The following PIGN variants were observed in gnomAD, a reference collection of about 807,000 sequenced individuals.
PIGN encodes the protein phosphatidylinositol glycan anchor biosynthesis class N.
A neutral mutation model predicts 125.4 loss-of-function variants in PIGN; 117 were observed. That is an observed-to-expected ratio of 0.93 (90% CI 0.80 to 1.09). PIGN has a LOEUF of 1.09. PIGN is among the 50% of genes least tolerant of loss of function. The probability of loss-of-function intolerance (pLI) is 0.00; values close to 1 mark genes in which losing one functional copy is unlikely to be tolerated. For missense variants in PIGN, 1,075 were observed against 1,094.9 expected, an observed-to-expected ratio of 0.98 and a Z score of 0.26; for synonymous variants, 392 against 377.8, an observed-to-expected ratio of 1.04 and a Z score of -0.44.
intron 1 of PIGN, among the ~76,000 whole-genome samples, chr18:62,182,963 A>G (rs1296588024): frequency 6.6e-6 from 1 of 152,218 alleles, no homozygotes; most frequent in Non-Finnish European, 1.5e-5. Context: ...GGGCAATTGT[A>G]GAGATACTGA....
intron 10 of PIGN, among the ~76,000 whole-genome samples, chr18:62,144,733 T>C (rs954455031): frequency 3.8e-4 from 58 of 152,340 alleles, no homozygotes; most frequent in African/African-American, 1.4e-3. Flanking sequence ...ATGGTATATA[T>C]ATGCAGGTAA....
In PIGN at chr18:62,041,319, A is replaced by G. The variant is rs1290405770; in HGVS notation, c.*4537T>C. 1 of 152,224 alleles carries G rather than the reference A, an allele frequency of 6.6e-6. No individual in the cohort carries two copies. Among genetic ancestry groups the G allele is most frequent in the Non-Finnish European group, 1.5e-5 (1 of 68,036 alleles). The allele number at this position is 152,224 out of a possible 1,614,324, so 9.4% of individuals were successfully genotyped here. A position where few individuals can be genotyped will look rare whatever the true frequency, so the allele number is the denominator to read the frequency against. ...TTCCCACATGAAAGACTAAATGATG[A>G]CAGGTGTAATATATACAGAGGCAGG... On this transcript the variant is annotated 3_prime_UTR_variant, in exon 31 of 31. Transcript: ENST00000640252.
intron 30 of PIGN, among the ~76,000 whole-genome samples, chr18:62,049,911 T>C (rs1238678314): frequency 6.7e-6 from 1 of 148,962 alleles, no homozygotes; most frequent in East Asian, 2.0e-4. Context: ...TTCAGCTTTC[T>C]ACATATGGCT....
chr18:62,113,902 G>A (rs1056864577), intron 15 of PIGN, among the ~76,000 whole-genome samples: 11 of 152,154 alleles, frequency 7.2e-5, no homozygotes, highest in Non-Finnish European at 1.6e-4. Flanking sequence ...GAGTTTGGAA[G>A]AGTCAAAATT....
At chr18:62,181,640 G>A (rs1170955379) in intron 1 of PIGN, among the ~76,000 whole-genome samples, 2 of 152,064 alleles carry the variant, frequency 1.3e-5, no homozygotes, top group East Asian at 1.9e-4. Context: ...TTGAACTCCT[G>A]GGCTCAAGTC....
In PIGN at chr18:62,045,691, C is replaced by A; in HGVS notation, c.*165G>T. On this transcript the variant is annotated 3_prime_UTR_variant, in exon 31 of 31. Transcript: ENST00000640252. ...TGCAAAACCTAGAAAAAAAAAGAAG[C>A]TCCTTTGTTCCAGATAACCTGTCAA... The A allele has an allele frequency of 1.8e-6, 1 of 546,584 alleles. No individual in the cohort carries two copies. The highest frequency in any genetic ancestry group is 3.0e-6 in the Non-Finnish European group (1 of 331,318). 33.9% of individuals were successfully genotyped at this position (546,584 alleles called of 1,614,324 possible).
rs1433829994 is a variant in PIGN at position 62,052,150 on chromosome 18, G to A, written c.2673-6171C>T. 7 of 151,974 alleles carry A rather than the reference G, an allele frequency of 4.6e-5. 1 individual carries two copies. The highest frequency in any genetic ancestry group is 3.9e-4 in the Admixed American group (6 of 15,276). 9.4% of individuals were successfully genotyped at this position (151,974 alleles called of 1,614,324 possible). ...TGTGGTCAATTTTGGAATAGGTGTGGTGTGGTGCTGAAAAAAATGTATATT... is the reference window on the plus strand; with the variant it reads ...TGTGGTCAATTTTGGAATAGGTGTGATGTGGTGCTGAAAAAAATGTATATT... On this transcript the variant is annotated intron_variant, in intron 30 of 30. Transcript: ENST00000640252.
At chr18:62,070,095 G>A (rs1456736537) in intron 30 of PIGN, 1 of 230,074 alleles carries the variant, frequency 4.3e-6, no homozygotes, top group Non-Finnish European at 8.4e-6. Context: ...CAGGCACTAT[G>A]CTAAATACTT....
At chr18:62,098,758 C>T (rs1485205711) in intron 22 of PIGN, among the ~76,000 whole-genome samples, 2 of 152,108 alleles carry the variant, frequency 1.3e-5, no homozygotes, top group Admixed American at 1.3e-4. Context: ...TCCTCTAGAA[C>T]CTAGCTCTAC....
chr18:62,166,939 T>C (rs1482025585), intron 1 of PIGN, among the ~76,000 whole-genome samples: 1 of 152,112 alleles, frequency 6.6e-6, no homozygotes, highest in Admixed American at 6.5e-5. Flanking sequence ...TTAGGGCAAA[T>C]ACCTAATGCA....
intron 2 of PIGN, among the ~76,000 whole-genome samples, chr18:62,162,716 A>G (rs549730074): frequency 6.6e-6 from 1 of 152,262 alleles, no homozygotes; most frequent in South Asian, 2.1e-4. Context: ...GCTAACTGAC[A>G]AAGAGAATCT....
intron 1 of PIGN, among the ~76,000 whole-genome samples, chr18:62,177,826 C>A (rs1396987269): frequency 1.3e-5 from 2 of 152,134 alleles, no homozygotes. Flanking sequence ...TCCTTAAATG[C>A]CTAAAACAAA....
intron 30 of PIGN, among the ~76,000 whole-genome samples, chr18:62,068,319 G>T (rs1038544771): frequency 1.3e-5 from 2 of 152,042 alleles, no homozygotes; most frequent in Non-Finnish European, 2.9e-5. Context: ...TGAGGTCCCT[G>T]GACCTCCTTT....
chr18:62,171,869 G>A (rs1346900685), intron 1 of PIGN, among the ~76,000 whole-genome samples: 1 of 152,176 alleles, frequency 6.6e-6, no homozygotes, highest in South Asian at 2.1e-4. Context: ...GTTGGTCTTA[G>A]TTAAAATTTT....
intron 7 of PIGN, among the ~76,000 whole-genome samples, chr18:62,150,697 TTTTG>T (rs1555695351): frequency 2.0e-5 from 3 of 151,392 alleles, no homozygotes; most frequent in Non-Finnish European, 3.0e-5. Context: ...GAGTTATTTT[TTTTG>T]TTTGTTTGTT....
rs78095943 is a variant in PIGN, at chr18:62,128,479, T to C, written c.1172+9764A>G. Among the ~76,000 whole-genome samples, 886 of 152,224 alleles carry C rather than the reference T, an allele frequency of 5.8e-3. 6 individuals carry two copies. Among genetic ancestry groups the C allele is most frequent in the African/African-American group, 0.02 (828 of 41,520 alleles). On this transcript the variant is annotated intron_variant, in intron 14 of 30. Transcript: ENST00000640252. ...TATTTTACATTTAAACAAGGAACTT[T>C]AGAACAGATGGGGTCCATAAGAGAT...
chr18:62,166,058 A>G (rs2147720965), intron 1 of PIGN, among the ~76,000 whole-genome samples: 1 of 152,334 alleles, frequency 6.6e-6, no homozygotes, highest in African/African-American at 2.4e-5. Context: ...GGAATAATTT[A>G]GAATATAGAA....
At position 62,106,860 on chromosome 18, in the gene PIGN, A is replaced by G. The variant is rs781624190; in HGVS notation, c.1696T>C (p.Tyr566His). The change falls in exon 19 of 31, where the codon TAT becomes CAT. Residue 566 changes from tyrosine to histidine, a missense_variant. By Grantham distance (83) the Tyr-to-His change is moderately conservative. Around this residue, in one of 3 missense-constraint regions of PIGN, gnomAD observed 915 missense variants for 908.7 expected, o/e 1.01. Coordinates refer to ENST00000640252, the MANE Select transcript of PIGN (RefSeq NM_176787.5). ...GCAGTAAGTCCAGCGGTAAGCATAT[A>G]GCGGTAGAAAAAACTGAGAACCTAG... ...EVLVLSFFYR[Y>H]MLTAGLTAFA... 2 of 1,608,716 alleles carry G rather than the reference A, an allele frequency of 1.2e-6. No homozygotes were observed. Among genetic ancestry groups the G allele is most frequent in the Admixed American group, 1.7e-5 (1 of 59,362 alleles).
At chr18:62,174,358 T>G (rs1567039) in intron 1 of PIGN, 107,473 of 152,088 alleles carry the variant, frequency 0.71, 38,507 homozygotes, top group East Asian at 0.91. Flanking sequence ...CACACTCCCA[T>G]TCACTTCTAT....
Sources: gnomAD v4.1 joint callset for allele counts (sites outside exome capture counted in the v4.1 genomes callset) on GRCh38, gnomAD v4.1.1 for gene constraint, gnomAD v4.1.1 regional missense constraint, MANE v1.5 for transcripts, NCBI Gene and HGNC (gene_info 2026-07-23, HGNC 2026-07-21) for gene names.